Variants in PDE4D observed in about 807,000 individuals in gnomAD.
PDE4D encodes 3',5'-cyclic-AMP phosphodiesterase 4D.
PDE4D carries 24 observed loss-of-function variants against 87.4 expected under a neutral mutation model. That is an observed-to-expected ratio of 0.27 (90% CI 0.20 to 0.39). The LOEUF is 0.39. Ranked by LOEUF, PDE4D falls within the 10% of genes least tolerant of loss-of-function variation. The pLI is 1.00. For synonymous variants in PDE4D, 384 were observed against 383.2 expected (o/e 1.00, Z -0.02); for missense variants, 714 against 1,041.0 (o/e 0.69, Z 4.32).
At chr5:60,012,875 T>C (rs987390065) in intron 2 of PDE4D, among the ~76,000 whole-genome samples, 16 of 152,200 alleles carry the variant, frequency 1.1e-4, no homozygotes, top group Admixed American at 1.0e-3. Context: ...CAGATGTCTT[T>C]TTCCACCTAT....
chr5:59,929,459 T>C (rs1755651618), intron 3 of PDE4D, among the ~76,000 whole-genome samples: 1 of 152,122 alleles, frequency 6.6e-6, no homozygotes, highest in Non-Finnish European at 1.5e-5. Flanking sequence ...TAGCCTTTGG[T>C]ACAAAACTTT....
intron 6 of PDE4D, among the ~76,000 whole-genome samples, chr5:59,026,372 G>A (rs1216003308): frequency 6.6e-6 from 1 of 152,198 alleles, no homozygotes; most frequent in Non-Finnish European, 1.5e-5. Flanking sequence ...GCACAAAGTA[G>A]AATGCTCAGA....
chr5:59,597,349 A>T (rs944292595), intron 1 of PDE4D, among the ~76,000 whole-genome samples: 1 of 152,214 alleles, frequency 6.6e-6, no homozygotes, highest in Non-Finnish European at 1.5e-5. Flanking sequence ...AGTGGCGTTA[A>T]CAATGTATCT....
intron 1 of PDE4D, among the ~76,000 whole-genome samples, chr5:60,518,447 C>T (rs762982599): frequency 2.0e-5 from 3 of 152,222 alleles, no homozygotes; most frequent in Non-Finnish European, 4.4e-5. Context: ...GCAACGAATA[C>T]ACAGCCTCAC....
intron 5 of PDE4D, among the ~76,000 whole-genome samples, chr5:59,154,727 A>G (rs1779918555): frequency 6.6e-6 from 1 of 152,190 alleles, no homozygotes; most frequent in Non-Finnish European, 1.5e-5. Context: ...CTCTACTAAA[A>G]ATACAAAAAT....
chr5:59,003,822 C>A (rs1348167779), intron 6 of PDE4D, among the ~76,000 whole-genome samples: 2 of 152,000 alleles, frequency 1.3e-5, no homozygotes, highest in Non-Finnish European at 2.9e-5. Context: ...GAAGGGAAAA[C>A]CAAGTGAGGA....
chr5:59,775,099 A>C (rs1233059594), intron 1 of PDE4D, among the ~76,000 whole-genome samples: 1 of 152,190 alleles, frequency 6.6e-6, no homozygotes, highest in Non-Finnish European at 1.5e-5. Context: ...TCATTCTAAA[A>C]ATTCTAAGGG....
chr5:59,033,690 T>C (rs910965185), intron 6 of PDE4D, among the ~76,000 whole-genome samples: 3 of 152,202 alleles, frequency 2.0e-5, no homozygotes, highest in Non-Finnish European at 4.4e-5. Flanking sequence ...TTGTTTAATC[T>C]ACCCATAACA....
At chr5:60,426,151 A>G (rs907244276) in intron 1 of PDE4D, among the ~76,000 whole-genome samples, 1 of 152,232 alleles carries the variant, frequency 6.6e-6, no homozygotes, top group Non-Finnish European at 1.5e-5. Flanking sequence ...GGAACTAGAA[A>G]TACCATTTGA....
At chr5:59,336,787 C>T (rs1777729766) in intron 1 of PDE4D, among the ~76,000 whole-genome samples, 1 of 152,106 alleles carries the variant, frequency 6.6e-6, no homozygotes, top group South Asian at 2.1e-4. Context: ...TCTTCTACGG[C>T]CTTCTCCATC....
At chr5:60,319,155 C>T (rs1035858814) in intron 1 of PDE4D, among the ~76,000 whole-genome samples, 2 of 152,180 alleles carry the variant, frequency 1.3e-5, no homozygotes, top group Non-Finnish European at 2.9e-5. Flanking sequence ...TTCACATAGT[C>T]CCATACTTCT....
At chr5:59,339,411 T>C (rs948142001) in intron 1 of PDE4D, among the ~76,000 whole-genome samples, 1 of 152,224 alleles carries the variant, frequency 6.6e-6, no homozygotes, top group African/African-American at 2.4e-5. Context: ...AGTTTCAGCA[T>C]GCAACTGGTG....
intron 5 of PDE4D, among the ~76,000 whole-genome samples, chr5:59,131,597 A>ACACACAC (rs1776273748): frequency 8.5e-6 from 1 of 118,094 alleles, no homozygotes. Context: ...GCCAATTTAA[A>ACACACAC]ACACACACAC....
chr5:58,996,574 A>G (rs1749284721), intron 6 of PDE4D, among the ~76,000 whole-genome samples: 1 of 152,202 alleles, frequency 6.6e-6, no homozygotes, highest in Non-Finnish European at 1.5e-5. Flanking sequence ...ACTTCTCTCA[A>G]TAAAGCAAAA....
intron 1 of PDE4D, among the ~76,000 whole-genome samples, chr5:59,762,641 CATATGTGT>C (rs1429828997): frequency 7.7e-6 from 1 of 130,546 alleles, no homozygotes; most frequent in Non-Finnish European, 1.7e-5. Flanking sequence ...TATGGGTACA[CATATGTGT>C]ATATGTGTAT....
At chr5:59,318,444 A>G (rs563701031) in intron 1 of PDE4D, among the ~76,000 whole-genome samples, 17 of 152,158 alleles carry the variant, frequency 1.1e-4, no homozygotes, top group Non-Finnish European at 1.8e-4. Context: ...AGTTCTGTAC[A>G]ATCTCCTTGA....
chr5:59,502,996 G>A (rs996857747), intron 1 of PDE4D, among the ~76,000 whole-genome samples: 7 of 150,802 alleles, frequency 4.6e-5, no homozygotes, highest in Non-Finnish European at 8.8e-5. Context: ...TAAATGCTAA[G>A]TTCTGTATTA....
At chr5:59,244,916 T>C (rs889493909) in intron 1 of PDE4D, among the ~76,000 whole-genome samples, 1 of 151,780 alleles carries the variant, frequency 6.6e-6, no homozygotes, top group Non-Finnish European at 1.5e-5. Flanking sequence ...TGACAGGTTA[T>C]GTGTATTTTA....
intron 1 of PDE4D, among the ~76,000 whole-genome samples, chr5:59,783,966 G>C (rs564829224): frequency 6.6e-6 from 1 of 152,296 alleles, no homozygotes; most frequent in South Asian, 2.1e-4. Context: ...GCTGAGGTGG[G>C]AAGATGGTTT....
Sources: allele counts gnomAD v4.1 joint callset (sites outside exome capture counted in the v4.1 genomes callset), GRCh38; gene constraint gnomAD v4.1.1; transcripts MANE v1.5; gene names NCBI Gene and HGNC (gene_info 2026-07-23, HGNC 2026-07-21).